The following FERMT2 variants were observed in gnomAD, a reference collection of about 807,000 sequenced individuals.
FERMT2 encodes the protein fermitin family homolog 2.
Under a neutral mutation model 82.7 loss-of-function variants are expected in FERMT2, and 15 were observed. That is an observed-to-expected ratio of 0.18 (90% CI 0.12 to 0.28). The LOEUF (loss-of-function observed/expected upper bound fraction) is 0.28. FERMT2 is among the 10% of genes least tolerant of loss of function. The pLI is 1.00. For missense variants in FERMT2, 645 were observed against 809.4 expected, an observed-to-expected ratio of 0.80 and a Z score of 2.46; for synonymous variants, 274 against 271.5, an observed-to-expected ratio of 1.01 and a Z score of -0.09.
chr14:52,858,531 T>C lies in FERMT2; in HGVS notation c.1889A>G (p.Asp630Gly). Residue 630 changes from aspartate to glycine, a missense_variant, in exon 15 of 15, where the codon GAT (aspartate) becomes GGT (glycine). By Grantham distance (94) the Asp-to-Gly change is moderately conservative (BLOSUM62 -1). Coordinates refer to ENST00000341590, the MANE Select transcript of FERMT2 (RefSeq NM_006832.3). Reference protein sequence around the residue: ...EIKMVTVEFADEVRLSFICTE... With the variant: ...EIKMVTVEFAGEVRLSFICTE... ...ACAAATGAAGGACAATCGTACTTCA[T>C]CTGCAAACTCTACGGTGACCTGGAA... The C allele has an allele frequency of 6.2e-7, 1 of 1,614,092 alleles. No individual in the cohort carries two copies. The highest frequency in any genetic ancestry group is 1.1e-5 in the South Asian group (1 of 91,070).
At chr14:52,869,301 G>C (rs1362438683) in intron 10 of FERMT2, among the ~76,000 whole-genome samples, 2 of 152,150 alleles carry the variant, frequency 1.3e-5, no homozygotes, top group Non-Finnish European at 2.9e-5. Flanking sequence ...ACCCAGGACT[G>C]AGTTTTTCTA....
At chr14:52,942,132 CT>C (rs1228542418) in intron 2 of FERMT2, among the ~76,000 whole-genome samples, 2 of 151,780 alleles carry the variant, frequency 1.3e-5, no homozygotes, top group Admixed American at 6.6e-5. Flanking sequence ...CCTACTTTTC[CT>C]TTTTTTCCTT....
intron 2 of FERMT2, among the ~76,000 whole-genome samples, chr14:52,925,558 CAA>C (rs761894753): frequency 0.016 from 907 of 55,662 alleles, 6 homozygotes; most frequent in African/African-American, 0.051. Context: ...GACTCTGTCT[CAA>C]AAAAAAAAAA....
At chr14:52,862,947 CCT>C (rs1885043577) in intron 12 of FERMT2, 2 of 152,132 alleles carry the variant, frequency 1.3e-5, no homozygotes, top group African/African-American at 4.8e-5. Context: ...CTTTTATCTC[CCT>C]GATACCTTAC....
intron 2 of FERMT2, among the ~76,000 whole-genome samples, chr14:52,931,530 G>A (rs1166011657): frequency 6.6e-6 from 1 of 152,162 alleles, no homozygotes. Flanking sequence ...AGAGAAGGAG[G>A]CAAATATGAG....
chr14:52,898,833 A>G (rs1248744965), intron 3 of FERMT2, among the ~76,000 whole-genome samples: 2 of 152,230 alleles, frequency 1.3e-5, no homozygotes, highest in African/African-American at 2.4e-5. Flanking sequence ...TCCTTACATA[A>G]CAAATCTCAT....
chr14:52,891,324 C>T (rs1228195334), intron 4 of FERMT2, among the ~76,000 whole-genome samples: 1 of 152,174 alleles, frequency 6.6e-6, no homozygotes, highest in East Asian at 1.9e-4. Context: ...TTCAAAAACA[C>T]TATCTTCTAT....
At chr14:52,934,327 G>T (rs1231655228) in intron 2 of FERMT2, among the ~76,000 whole-genome samples, 2 of 152,200 alleles carry the variant, frequency 1.3e-5, no homozygotes, top group Non-Finnish European at 2.9e-5. Context: ...TGTTTATTTA[G>T]TGTACTGTAA....
At chr14:52,947,255 G>A (rs1050587933) in intron 2 of FERMT2, among the ~76,000 whole-genome samples, 4 of 152,158 alleles carry the variant, frequency 2.6e-5, no homozygotes, top group South Asian at 2.1e-4. Flanking sequence ...CAAGGCAGGC[G>A]GATGACGAGG....
At chr14:52,926,046 T>C (rs1018521660) in intron 2 of FERMT2, among the ~76,000 whole-genome samples, 1 of 152,160 alleles carries the variant, frequency 6.6e-6, no homozygotes, top group African/African-American at 2.4e-5. Context: ...CAACTGTAAC[T>C]TGAAAAACCC....
At position 52,941,623 on chromosome 14, in the gene FERMT2, T is replaced by C. The variant is rs114001452; in HGVS notation, c.157+8789A>G. The stretch of plus-strand genomic sequence containing the variant: ...TCAGATGTATTTGTTTACTTCTCAC[T>C]GGGCATATATACCAATTTTAAATGT... On this transcript the variant is annotated intron_variant, in intron 2 of 14. Transcript: ENST00000341590. Among the ~76,000 whole-genome samples the C allele has an allele frequency of 1.7e-3, 252 of 152,332 alleles. 1 individual carries two copies. Among genetic ancestry groups the C allele is most frequent in the African/African-American group, 5.8e-3 (243 of 41,586 alleles).
At chr14:52,877,401 CAG>C (rs1398949971) in intron 7 of FERMT2, among the ~76,000 whole-genome samples, 1 of 151,916 alleles carries the variant, frequency 6.6e-6, no homozygotes, top group Non-Finnish European at 1.5e-5. Context: ...AGAAATTCAC[CAG>C]AGAGTCAGAA....
At chr14:52,887,604 G>C (rs1338221958) in intron 4 of FERMT2, among the ~76,000 whole-genome samples, 1 of 152,012 alleles carries the variant, frequency 6.6e-6, no homozygotes. Flanking sequence ...GAGGTGAAAG[G>C]ATTACTTGAG....
intron 8 of FERMT2, among the ~76,000 whole-genome samples, chr14:52,874,494 G>A (rs1381408534): frequency 6.6e-6 from 1 of 152,112 alleles, no homozygotes; most frequent in East Asian, 1.9e-4. Context: ...ATCTTTAATA[G>A]TGCTGAAACT....
intron 2 of FERMT2, among the ~76,000 whole-genome samples, chr14:52,942,581 C>T (rs751584546): frequency 3.3e-5 from 5 of 151,974 alleles, no homozygotes; most frequent in Non-Finnish European, 5.9e-5. Context: ...GGATTACAGG[C>T]GTGAGCCACC....
intron 3 of FERMT2, among the ~76,000 whole-genome samples, chr14:52,911,392 C>G (rs1888302417): frequency 6.6e-6 from 1 of 152,056 alleles, no homozygotes; most frequent in Non-Finnish European, 1.5e-5. Context: ...TGGCTCACAC[C>G]TGTAATCCCA....
intron 2 of FERMT2, among the ~76,000 whole-genome samples, chr14:52,942,563 A>T (rs62003544): frequency 0.11 from 16,052 of 151,720 alleles, 943 homozygotes; most frequent in Middle Eastern, 0.18. Context: ...CGGCCTCCCA[A>T]AGTGCTAGGA....
chr14:52,893,399 G>GATT lies in FERMT2; in HGVS notation c.419_420insAAT (p.Leu140_Leu141insIle). On this transcript the variant is annotated inframe_insertion, in exon 4 of 15. Transcript: ENST00000341590. ...TTGTTGGATCTCTGGGTTTCTTTAA[G>GATT]AGAGAAAGTTCTTCGGGGTGTCTGA... is the stretch of plus-strand genomic sequence containing the variant. The GATT allele has an allele frequency of 6.2e-7, 1 of 1,609,274 alleles. No individual in the cohort carries two copies. Among genetic ancestry groups the GATT allele is most frequent in the Non-Finnish European group, 8.5e-7 (1 of 1,178,080 alleles).
At position 52,932,648 on chromosome 14, in the gene FERMT2, T is replaced by G. The variant is rs192690102; in HGVS notation, c.158-13292A>C. 2.4e-3 allele frequency among the ~76,000 whole-genome samples: 359 copies of G among 152,334 alleles called. 2 individuals carry two copies. Among genetic ancestry groups the G allele is most frequent in the African/African-American group, 8.2e-3 (340 of 41,568 alleles). On this transcript the variant is annotated intron_variant, in intron 2 of 14. Transcript: ENST00000341590. ...AATGTACTCACTTTTGGTTTTATAC[T>G]AGAAATTAAGACTTCTACTGTCCAA...
Sources: gnomAD v4.1 joint callset for allele counts (sites outside exome capture counted in the v4.1 genomes callset) on GRCh38, gnomAD v4.1.1 for gene constraint, MANE v1.5 for transcripts, NCBI Gene and HGNC (gene_info 2026-07-23, HGNC 2026-07-21) for gene names.